CES5A: variants seen among roughly 807,000 people sequenced by gnomAD.
CES5A encodes carboxylesterase 5.
Under a neutral mutation model 62.9 loss-of-function variants are expected in CES5A, and 67 were observed. That is an observed-to-expected ratio of 1.07 (90% CI 0.88 to 1.31). The LOEUF is 1.31. CES5A is among the 50% of genes most tolerant of loss of function. The pLI, the probability that CES5A is intolerant of heterozygous loss-of-function variation, is 0.00. For synonymous variants in CES5A, 296 were observed against 280.8 expected (o/e 1.05, Z -0.54); for missense variants, 748 against 708.5 (o/e 1.06, Z -0.63).
intron 1 of CES5A, among the ~76,000 whole-genome samples, chr16:55,901,619 T>A (rs2033991481): frequency 6.6e-6 from 1 of 152,168 alleles, no homozygotes; most frequent in African/African-American, 2.4e-5. Context: ...GATTTTCTAT[T>A]TATCGAGGGC....
chr16:55,947,602 G>A (rs1332124844), intron 2 of CES5A, among the ~76,000 whole-genome samples: 3 of 152,076 alleles, frequency 2.0e-5, no homozygotes, highest in African/African-American at 4.8e-5. Flanking sequence ...TAAACATGGC[G>A]AGGGAGATGG....
chr16:55,944,961 G>A (rs77749024), intron 2 of CES5A, among the ~76,000 whole-genome samples: 1 of 152,318 alleles, frequency 6.6e-6, no homozygotes, highest in African/African-American at 2.4e-5. Context: ...AACTACATGA[G>A]TTCAAATCCG....
At chr16:55,887,140 C>A (rs2033824941) in intron 1 of CES5A, among the ~76,000 whole-genome samples, 1 of 152,086 alleles carries the variant, frequency 6.6e-6, no homozygotes, top group South Asian at 2.1e-4. Flanking sequence ...ACAGACCAGT[C>A]TGAGAATCAA....
chr16:55,941,708 T>C (rs1285006355), intron 2 of CES5A, among the ~76,000 whole-genome samples: 2 of 152,060 alleles, frequency 1.3e-5, no homozygotes, highest in South Asian at 2.1e-4. Context: ...CACTACCTGA[T>C]TGTATGATTT....
Position 55,849,694 on chromosome 16 carries a change from T to C in CES5A, c.1353A>G (p.Lys451=). Residue 451 remains lysine, a synonymous_variant, in exon 11 of 13, where the codon AAA becomes AAG. Transcript: ENST00000290567. Reference sequence around the variant, plus strand: ...AGCGGACTTCATCAGCGTGGTCGGCTTTGACAAAAGCTGGCTTCGTGTCTT... The same window carrying C: ...AGCGGACTTCATCAGCGTGGTCGGCCTTGACAAAAGCTGGCTTCGTGTCTT... ...CFEDTKPAFV[K]ADHADEVRFV... is the part of the protein sequence containing the mutation. The C allele has an allele frequency of 6.2e-7, 1 of 1,613,974 alleles. No homozygotes were observed. Among genetic ancestry groups the C allele is most frequent in the East Asian group, 2.2e-5 (1 of 44,856 alleles).
intron 1 of CES5A, among the ~76,000 whole-genome samples, chr16:55,884,811 T>C (rs1472286988): frequency 6.6e-6 from 1 of 152,108 alleles, no homozygotes; most frequent in African/African-American, 2.4e-5. Context: ...AGGTTGGTCT[T>C]GAACTCCTTG....
At chr16:55,918,900 C>T (rs2034173397) in intron 1 of CES5A, among the ~76,000 whole-genome samples, 1 of 152,158 alleles carries the variant, frequency 6.6e-6, no homozygotes, top group South Asian at 2.1e-4. Flanking sequence ...TTCCCACTTC[C>T]CCACCCCTAC....
intron 2 of CES5A, among the ~76,000 whole-genome samples, chr16:55,946,476 A>G (rs1421396809): frequency 1.3e-5 from 2 of 152,170 alleles, no homozygotes; most frequent in Admixed American, 6.5e-5. Context: ...TCAAACAGCA[A>G]AACTGAGCAA....
chr16:55,904,810 C>T (rs1171975886), intron 1 of CES5A, among the ~76,000 whole-genome samples: 1 of 152,098 alleles, frequency 6.6e-6, no homozygotes, highest in African/African-American at 2.4e-5. Flanking sequence ...AGTCTCAGGT[C>T]GGGCCTCCCC....
At chr16:55,871,376 A>G (rs2033580527) in intron 3 of CES5A, among the ~76,000 whole-genome samples, 1 of 152,258 alleles carries the variant, frequency 6.6e-6, no homozygotes. Context: ...AGGTCACTAA[A>G]TACGCAACAG....
intron 1 of CES5A, among the ~76,000 whole-genome samples, chr16:55,910,265 C>T (rs748030172): frequency 6.6e-6 from 1 of 152,182 alleles, no homozygotes; most frequent in African/African-American, 2.4e-5. Context: ...GTCCACTCTG[C>T]CATCAAAGAA....
At chr16:55,945,655 CAT>C (rs1445901830) in intron 2 of CES5A, among the ~76,000 whole-genome samples, 20 of 152,338 alleles carry the variant, frequency 1.3e-4, no homozygotes, top group African/African-American at 4.6e-4. Flanking sequence ...ATTTTCCACA[CAT>C]GTCTAGTTGT....
At chr16:55,872,727 C>G (rs2033617203) in intron 2 of CES5A, among the ~76,000 whole-genome samples, 1 of 152,156 alleles carries the variant, frequency 6.6e-6, no homozygotes, top group South Asian at 2.1e-4. Flanking sequence ...TCAGCAAAGC[C>G]GTCTCTGACC....
intron 1 of CES5A, among the ~76,000 whole-genome samples, chr16:55,900,377 A>G (rs2033978246): frequency 6.6e-6 from 1 of 152,204 alleles, no homozygotes; most frequent in Non-Finnish European, 1.5e-5. Flanking sequence ...TAAGACACAC[A>G]ACATTGATCA....
intron 2 of CES5A, among the ~76,000 whole-genome samples, chr16:55,873,369 GCTAACACCCTT>G (rs753935398): frequency 1.3e-5 from 2 of 152,096 alleles, no homozygotes; most frequent in Non-Finnish European, 2.9e-5. Flanking sequence ...GACAGCTGGA[GCTAACACCCTT>G]CTAGTGTGGT....
intron 1 of CES5A, among the ~76,000 whole-genome samples, chr16:55,884,039 TAC>T (rs145875705): frequency 0.021 from 3,220 of 152,336 alleles, 56 homozygotes; most frequent in Non-Finnish European, 0.032. Flanking sequence ...ATTTGCTCAG[TAC>T]ACAGTCACCC....
intron 2 of CES5A, among the ~76,000 whole-genome samples, chr16:55,941,029 G>C (rs1176226070): frequency 1.3e-5 from 2 of 151,724 alleles, no homozygotes; most frequent in Admixed American, 6.6e-5. Flanking sequence ...AATGTAAAAA[G>C]CCTACAGCTA....
intron 8 of CES5A, among the ~76,000 whole-genome samples, chr16:55,857,205 C>T (rs567435013): frequency 1.3e-5 from 2 of 152,334 alleles, no homozygotes; most frequent in African/African-American, 4.8e-5. Flanking sequence ...AGGGACTCAA[C>T]TCTTCCTGCC....
rs141284988 is a variant in CES5A, at chr16:55,941,768, G to T, written c.160+8017C>A. Reference sequence around the variant, plus strand: ...TAGTGTGGTGTCAGCAAAAGAACAGGCACATAGATAGCATAAGGGAGTTTC... The same window carrying T: ...TAGTGTGGTGTCAGCAAAAGAACAGTCACATAGATAGCATAAGGGAGTTTC... On this transcript the variant is annotated intron_variant, in intron 2 of 13. Transcript: ENST00000521992. Among the ~76,000 whole-genome samples the T allele has an allele frequency of 1.4e-3, 212 of 152,110 alleles. 1 individual carries two copies. The highest frequency in any genetic ancestry group is 7.5e-3 in the South Asian group (36 of 4,816).
Sources: gnomAD v4.1 joint callset for allele counts (sites outside exome capture counted in the v4.1 genomes callset) on GRCh38, gnomAD v4.1.1 for gene constraint, MANE v1.5 for transcripts, NCBI Gene and HGNC (gene_info 2026-07-23, HGNC 2026-07-21) for gene names.